The following DNAH14 variants were observed in gnomAD, a reference collection of about 807,000 sequenced individuals.
DNAH14 encodes axonemal beta dynein heavy chain 14.
A neutral mutation model predicts 520.9 loss-of-function variants in DNAH14; 478 were observed. That is an observed-to-expected ratio of 0.92 (90% confidence interval 0.85 to 0.99). DNAH14 has a LOEUF of 0.99. Ranked by LOEUF, DNAH14 falls within the 50% of genes least tolerant of loss-of-function variation. The pLI is 0.00. For missense variants in DNAH14, 4,831 were observed against 5,234.5 expected (o/e 0.92, Z 2.38); for synonymous variants, 1,581 against 1,757.2 (o/e 0.90, Z 2.51).
In DNAH14 at chr1:225,333,317, AATAG is replaced by A. The variant is rs751770211; in HGVS notation, c.9895_9898del (p.Asp3299ThrfsTer3). The A allele has an allele frequency of 1.7e-5, 27 of 1,551,480 alleles. No individual in the cohort carries two copies. Among genetic ancestry groups the A allele is most frequent in the Admixed American group, 3.9e-5 (2 of 50,984 alleles). On this transcript the variant is annotated frameshift_variant, in exon 66 of 86. Transcript: ENST00000682510. LOFTEE classifies it high-confidence loss of function. ...CTCGATGGCAAGAAACAATCAATCA[AATAG>A]ATAACAAATTAGAAGGAATTTTGGG...
At chr1:225,076,529 G>A (rs1413142783) in intron 17 of DNAH14, among the ~76,000 whole-genome samples, 1 of 152,180 alleles carries the variant, frequency 6.6e-6, no homozygotes, top group Non-Finnish European at 1.5e-5. Context: ...TTGCTGGAGA[G>A]TACGATTCCA....
intron 66 of DNAH14, among the ~76,000 whole-genome samples, chr1:225,336,976 C>A (rs1257867353): frequency 1.3e-5 from 2 of 152,042 alleles, no homozygotes; most frequent in African/African-American, 4.8e-5. Flanking sequence ...GTCTACGAGC[C>A]TTGGAAGCAG....
rs554132258 is a variant in DNAH14, at chr1:225,316,774, G to T, written c.9241-1809G>T. On this transcript the variant is annotated intron_variant, in intron 60 of 85. Transcript: ENST00000682510. ...TTCTGCGTTGATCTCGCTGGGAGCT[G>T]CAGACCAGAGCTGTTCCTATTTGGC... Among the ~76,000 whole-genome samples, 7 of 152,300 alleles carry T rather than the reference G, an allele frequency of 4.6e-5. No homozygotes were observed. The South Asian group carries it at 1.5e-3, about 32-fold the overall frequency.
intron 17 of DNAH14, among the ~76,000 whole-genome samples, chr1:225,067,472 G>A (rs1009705017): frequency 3.9e-5 from 6 of 151,976 alleles, no homozygotes; most frequent in Admixed American, 2.0e-4. Flanking sequence ...ATTCCTTTGT[G>A]CATATACCCA....
At chr1:225,373,507 G>T (rs1353097061) in intron 77 of DNAH14, among the ~76,000 whole-genome samples, 2 of 151,954 alleles carry the variant, frequency 1.3e-5, no homozygotes, top group African/African-American at 4.8e-5. Flanking sequence ...ATAGGAAGAG[G>T]GAGGCGGAGG....
chr1:225,224,369 T>C (rs1014512515), intron 41 of DNAH14, among the ~76,000 whole-genome samples: 1 of 151,904 alleles, frequency 6.6e-6, no homozygotes, highest in African/African-American at 2.4e-5. Context: ...GTAGGACAGA[T>C]AGCCCCCAGG....
At chr1:225,344,415 T>A (rs768871052) in intron 69 of DNAH14, among the ~76,000 whole-genome samples, 3 of 152,172 alleles carry the variant, frequency 2.0e-5, no homozygotes, top group Non-Finnish European at 2.9e-5. Context: ...GTATCTGTTG[T>A]TCCCCTCTAT....
intron 8 of DNAH14, among the ~76,000 whole-genome samples, chr1:224,994,306 C>G (rs1411395278): frequency 6.6e-6 from 1 of 151,938 alleles, no homozygotes; most frequent in Non-Finnish European, 1.5e-5. Flanking sequence ...GTATTGTAAC[C>G]TATCTCTCCC....
At chr1:225,029,177 C>T (rs1049081715) in intron 11 of DNAH14, among the ~76,000 whole-genome samples, 1 of 151,936 alleles carries the variant, frequency 6.6e-6, no homozygotes, top group Non-Finnish European at 1.5e-5. Flanking sequence ...ACTCAAAACA[C>T]TATATATTAT....
At chr1:225,107,804 G>T (rs1178239260) in intron 23 of DNAH14, among the ~76,000 whole-genome samples, 1 of 152,098 alleles carries the variant, frequency 6.6e-6, no homozygotes, top group Non-Finnish European at 1.5e-5. Context: ...GCCAACATTT[G>T]TTATTGCCTG....
intron 60 of DNAH14, among the ~76,000 whole-genome samples, chr1:225,317,489 A>G (rs1418947127): frequency 6.6e-6 from 1 of 152,006 alleles, no homozygotes; most frequent in African/African-American, 2.4e-5. Flanking sequence ...CACCTCTCAC[A>G]TATCTACATA....
chr1:225,261,743 G>A (rs1156979500), intron 46 of DNAH14, among the ~76,000 whole-genome samples: 4 of 152,074 alleles, frequency 2.6e-5, no homozygotes, highest in Non-Finnish European at 5.9e-5. Flanking sequence ...ATAATTGGTA[G>A]AATTCAGCAT....
chr1:225,113,000 T>C (rs1004226959), intron 23 of DNAH14, among the ~76,000 whole-genome samples: 1 of 152,072 alleles, frequency 6.6e-6, no homozygotes, highest in Non-Finnish European at 1.5e-5. Flanking sequence ...CTTATTTAAT[T>C]TATTTGGTAA....
chr1:225,265,378 CCT>C lies in DNAH14; in HGVS notation c.7410+13_7410+14del, dbSNP rs1326806961. 2 of 1,518,390 alleles carry C rather than the reference CCT, an allele frequency of 1.3e-6. No individual in the cohort carries two copies. Among genetic ancestry groups the C allele is most frequent in the Non-Finnish European group, 1.8e-6 (2 of 1,137,574 alleles). 94.1% of individuals were successfully genotyped at this position (1,518,390 alleles called of 1,614,324 possible). A position where few individuals can be genotyped will look rare whatever the true frequency, so the allele number is the denominator to read the frequency against. On this transcript the variant is annotated intron_variant, in intron 48 of 85. Coordinates refer to ENST00000682510, the MANE Select transcript of DNAH14 (RefSeq NM_001367479.1). ...CACCAAAAAACAACCGGGTAAAACACCTCTCATACCTGTTCAATAATCTGCTT... is the reference window on the plus strand; with the variant it reads ...CACCAAAAAACAACCGGGTAAAACACCTCATACCTGTTCAATAATCTGCTT...
intron 77 of DNAH14, among the ~76,000 whole-genome samples, chr1:225,374,242 ATT>A (rs2095663501): frequency 8.6e-5 from 3 of 35,002 alleles, no homozygotes; most frequent in Non-Finnish European, 1.4e-4. Context: ...TAATATATAT[ATT>A]TGTCTATATA....
rs904976887 is a variant in DNAH14 at position 225,054,727 on chromosome 1, A to T, written c.2424+2932A>T. Among the ~76,000 whole-genome samples the T allele has an allele frequency of 3.3e-5, 5 of 152,154 alleles. No homozygotes were observed. The South Asian group carries it at 1.0e-3, about 31-fold the overall frequency. On this transcript the variant is annotated intron_variant, in intron 17 of 85. Coordinates refer to ENST00000682510, the MANE Select transcript of DNAH14 (RefSeq NM_001367479.1). ...CACAAAGCATGTCATTTATCAAAACATTATAGGAATCTTTAAAGTACTTTT... is the reference window on the plus strand; with the variant it reads ...CACAAAGCATGTCATTTATCAAAACTTTATAGGAATCTTTAAAGTACTTTT...
chr1:225,374,741 G>A lies in DNAH14; in HGVS notation c.12372G>A (p.Trp4124Ter). Residue 4124 changes from tryptophan (W) to a stop codon, truncating the protein, a stop_gained, in exon 78 of 86, where the codon TGG becomes TGA. Coordinates refer to ENST00000682510, the MANE Select transcript of DNAH14 (RefSeq NM_001367479.1). LOFTEE classifies it high-confidence loss of function. Reference protein sequence around the residue: ...NSLRGQPSISWQALRYLIGEV... With the variant: ...NSLRGQPSIS ...TGAGAGGACAGCCCAGCATTTCGTG[G>A]CAAGCACTGCGCTACCTGATTGGAG... 2.6e-6 allele frequency: 4 copies of A among 1,551,062 alleles called. No homozygotes were observed. Among genetic ancestry groups the A allele is most frequent in the South Asian group, 2.4e-5 (2 of 83,984 alleles).
Position 225,374,849 on chromosome 1 carries a change from A to C in DNAH14, c.12480A>C (p.Glu4160Asp), listed in dbSNP as rs1025895198. Residue 4160 changes from glutamate (E) to aspartate (D), a missense_variant, in exon 78 of 86, where the codon GAA (glutamate) becomes GAC (aspartate). By Grantham distance (45) the Glu-to-Asp change is conservative (BLOSUM62 2). Transcript: ENST00000682510. ...KTLLYKFCNP[E>D]VLKDDFSFSS... ...TACTCTACAAATTTTGTAATCCTGA[A>C]GTGCTGAAAGATGACTTCAGTTTCT... The C allele has an allele frequency of 1.9e-6, 3 of 1,550,968 alleles. No individual in the cohort carries two copies. In the African/African-American group the frequency reaches 4.1e-5, roughly 21 times the overall value.
At chr1:225,203,500 A>G (rs1017588549) in intron 38 of DNAH14, among the ~76,000 whole-genome samples, 1 of 152,110 alleles carries the variant, frequency 6.6e-6, no homozygotes, top group Non-Finnish European at 1.5e-5. Flanking sequence ...CCTGACTACT[A>G]TTGATAGTTA....
Sources: allele counts gnomAD v4.1 joint callset (sites outside exome capture counted in the v4.1 genomes callset), GRCh38; gene constraint gnomAD v4.1.1; transcripts MANE v1.5; gene names NCBI Gene and HGNC (gene_info 2026-07-23, HGNC 2026-07-21).